PTPN6: variants seen among roughly 807,000 people sequenced by gnomAD.
The protein encoded by PTPN6 is protein tyrosine phosphatase non-receptor type 6, also known as tyrosine-protein phosphatase non-receptor type 6.
Under a neutral mutation model 81.5 loss-of-function variants are expected in PTPN6, and 18 were observed. That is an observed-to-expected ratio of 0.22 (90% CI 0.15 to 0.33). The LOEUF is 0.33. Ranked by LOEUF, PTPN6 falls within the 10% of genes least tolerant of loss-of-function variation. The probability of loss-of-function intolerance (pLI) is 1.00; values close to 1 mark genes in which losing one functional copy is unlikely to be tolerated. For synonymous variants in PTPN6, 301 were observed against 310.9 expected (o/e 0.97, Z 0.33); for missense variants, 500 against 794.2 (o/e 0.63, Z 4.45).
At position 6,955,053 on chromosome 12, in the gene PTPN6, TG is replaced by T; in HGVS notation, c.516+62del. ...GAGGCTCCTGTCTGTGACCACAGTG[TG>T]GGTGGCAGGGAGGGTCTGCCTGGGC... On this transcript the variant is annotated intron_variant, in intron 4 of 15. Coordinates refer to ENST00000318974, the MANE Select transcript of PTPN6 (RefSeq NM_002831.6). The surrounding 1 kb of genome is among the most constrained non-coding windows in gnomAD (Gnocchi z 7.2). 6.2e-7 allele frequency: 1 copy of T among 1,608,928 alleles called. No individual in the cohort carries two copies. Among genetic ancestry groups the T allele is most frequent in the Non-Finnish European group, 8.5e-7 (1 of 1,175,526 alleles).
chr12:6,954,513 C>G lies in PTPN6; in HGVS notation c.327-292C>G, dbSNP rs1203381663. 6.6e-6 allele frequency among the ~76,000 whole-genome samples: 1 copy of G among 152,222 alleles called. No homozygotes were observed. Among genetic ancestry groups the G allele is most frequent in the African/African-American group, 2.4e-5 (1 of 41,446 alleles). ...AGAGAGCTGTAACCGCGCCACTGCA[C>G]TCCAGCCTGGGCAACAGAGCTCTGG... On this transcript the variant is annotated intron_variant, in intron 3 of 15. Transcript: ENST00000318974. The surrounding 1 kb of genome is among the most constrained non-coding windows in gnomAD (Gnocchi z 5.4).
At position 6,954,761 on chromosome 12, in the gene PTPN6, C is replaced by T. The variant is rs1233929834; in HGVS notation, c.327-44C>T. The T allele has an allele frequency of 2.5e-6, 4 of 1,589,380 alleles. No individual in the cohort carries two copies. The African/African-American group carries it at 4.0e-5, about 16-fold the overall frequency. On this transcript the variant is annotated intron_variant, in intron 3 of 15. Coordinates refer to ENST00000318974, the MANE Select transcript of PTPN6 (RefSeq NM_002831.6). The surrounding 1 kb of genome is among the most constrained non-coding windows in gnomAD (Gnocchi z 5.4). ...GTGAATGTCTCTGCTCAGCGCCTTC[C>T]CCTGTGGCCTGGGTCTTACCTTCCC...
In PTPN6 at chr12:6,960,263, G is replaced by T. The variant is rs781797017; in HGVS notation, c.1581+24G>T. ...AGGTGCGTGCAGAGCAGGGCCTGGG[G>T]GGGGGGGGGGCTGCAGTGCAGGATG... is the stretch of plus-strand genomic sequence containing the variant. On this transcript the variant is annotated intron_variant, in intron 13 of 15. Coordinates refer to ENST00000318974, the MANE Select transcript of PTPN6 (RefSeq NM_002831.6). The surrounding 1 kb of genome is among the most constrained non-coding windows in gnomAD (Gnocchi z 6.1). 160 of 1,251,610 alleles carry T rather than the reference G, an allele frequency of 1.3e-4. No homozygotes were observed. The highest frequency in any genetic ancestry group is 1.9e-4 in the African/African-American group (11 of 58,784). The allele number at this position is 1,251,610 out of a possible 1,614,324, so 77.5% of individuals were successfully genotyped here.
In PTPN6 at chr12:6,951,369, C is replaced by A; in HGVS notation, c.-144C>A. Reference sequence around the variant, plus strand: ...CTGCCCCAGGCCAGTGGAGTGGCAGCCCCAGAACTGGGACCACCGGGGGTG... The same window carrying A: ...CTGCCCCAGGCCAGTGGAGTGGCAGACCCAGAACTGGGACCACCGGGGGTG... On this transcript the variant is annotated 5_prime_UTR_variant, in exon 1 of 16. Transcript: ENST00000318974. The surrounding 1 kb of genome is among the most constrained non-coding windows in gnomAD (Gnocchi z 7.2). 6.5e-7 allele frequency: 1 copy of A among 1,541,738 alleles called. No individual in the cohort carries two copies.
rs782799638 is a variant in PTPN6, at chr12:6,956,387, C to T, written c.925-32C>T. On this transcript the variant is annotated intron_variant, in intron 8 of 15. Coordinates refer to ENST00000318974, the MANE Select transcript of PTPN6 (RefSeq NM_002831.6). This position sits in a 1 kb window ranked among gnomAD's most constrained non-coding sequence, Gnocchi z 4.1. ...TGTGCTGGGCCAAGGGGCTCACTGTCTTGGGGTGCGTCTCTCCACGCTTGC... is the reference window on the plus strand; with the variant it reads ...TGTGCTGGGCCAAGGGGCTCACTGTTTTGGGGTGCGTCTCTCCACGCTTGC... 5.0e-6 allele frequency: 8 copies of T among 1,614,104 alleles called. No individual in the cohort carries two copies. In the East Asian group the frequency reaches 1.3e-4, roughly 27 times the overall value.
At chr12:6,961,090 C>A in intron 15 of PTPN6, 36 bp from the exon 16 acceptor site, 1 of 1,333,612 alleles carries the variant, frequency 7.5e-7, no homozygotes, top group Non-Finnish European at 1.0e-6. Context: ...CAGGTTCCAG[C>A]TACCCTCTCA....
At chr12:6,948,738 AG>A (rs1242340074), upstream of PTPN6, among the ~76,000 whole-genome samples, 1 of 151,934 alleles carries the variant, frequency 6.6e-6, no homozygotes, top group African/African-American at 2.4e-5. Context: ...CAGGAGTTCA[AG>A]ACCAGCCTGG....
chr12:6,957,859 G>T lies in PTPN6; in HGVS notation c.1207-60G>T. On this transcript the variant is annotated intron_variant, in intron 10 of 15. Transcript: ENST00000318974. This position sits in a 1 kb window ranked among gnomAD's most constrained non-coding sequence, Gnocchi z 6.5. ...TTGTTCTCCTCTCTGGTCGGGTAGG[G>T]TGAGATGGATGAGGTGTTCCGAGAG... 4 of 1,614,032 alleles carry T rather than the reference G, an allele frequency of 2.5e-6. No individual in the cohort carries two copies. The East Asian group carries it at 8.9e-5, about 36-fold the overall frequency.
At chr12:6,953,319 C>T (rs1591685307) in intron 3 of PTPN6, 1 of 152,070 alleles carries the variant, frequency 6.6e-6, no homozygotes, top group African/African-American at 2.4e-5. Context: ...AAGCTCATGT[C>T]CTCTCTTTCT....
chr12:6,960,973 C>A lies in PTPN6; in HGVS notation c.*25+28C>A. The A allele has an allele frequency of 6.4e-7, 1 of 1,551,280 alleles. No homozygotes were observed. Among genetic ancestry groups the A allele is most frequent in the Non-Finnish European group, 8.7e-7 (1 of 1,147,782 alleles). On this transcript the variant is annotated intron_variant, in intron 15 of 15. Coordinates refer to ENST00000318974, the MANE Select transcript of PTPN6 (RefSeq NM_002831.6). The surrounding 1 kb of genome is among the most constrained non-coding windows in gnomAD (Gnocchi z 6.1). The stretch of plus-strand genomic sequence containing the variant: ...ACAGCTCTTCTGCCTGGGTGTCCTC[C>A]CTGCCCTGCCCTGTGTCCTTGGCTC...
At position 6,956,201 on chromosome 12, in the gene PTPN6, A is replaced by G; in HGVS notation, c.904A>G (p.Ile302Val). The part of the protein sequence containing the change: ...RDSNIPGSDY[I>V]NANYIKNQLL... ...CAGTAACATCCCCGGGTCCGACTACATCAATGCCAACTACATCAAGGTCAG... is the reference window on the plus strand; with the variant it reads ...CAGTAACATCCCCGGGTCCGACTACGTCAATGCCAACTACATCAAGGTCAG... The change falls in exon 8 of 16, where the codon ATC (isoleucine) becomes GTC (valine). Residue 302 changes from isoleucine to valine, a missense_variant. This residue lies in a region of PTPN6 where 226 missense variants were observed against 364.4 expected (regional missense o/e 0.62). Coordinates refer to ENST00000318974, the MANE Select transcript of PTPN6 (RefSeq NM_002831.6). The surrounding 1 kb of genome is among the most constrained non-coding windows in gnomAD (Gnocchi z 4.1). The G allele has an allele frequency of 6.2e-7, 1 of 1,614,192 alleles. No individual in the cohort carries two copies. The highest frequency in any genetic ancestry group is 1.3e-5 in the African/African-American group (1 of 75,044).
rs1412923877 is a variant in PTPN6, at chr12:6,960,905, C to A, written c.1773C>A (p.Ser591=). ...CAGACAAGGAGAAGAGCAAGGGTTC[C>A]CTCAAGAGGAAGTGAGCGGTGCTGT... ...RSADKEKSKG[S]LKRK is the part of the protein sequence containing the mutation. Residue 591 remains serine (S), a synonymous_variant, in exon 15 of 16, where the codon TCC becomes TCA. Coordinates refer to ENST00000318974, the MANE Select transcript of PTPN6 (RefSeq NM_002831.6). This position sits in a 1 kb window ranked among gnomAD's most constrained non-coding sequence, Gnocchi z 6.1. 6.4e-7 allele frequency: 1 copy of A among 1,571,422 alleles called. No homozygotes were observed. Among genetic ancestry groups the A allele is most frequent in the African/African-American group, 1.4e-5 (1 of 74,012 alleles).
At chr12:6,951,215 G>GA, upstream of PTPN6, 1 of 1,415,930 alleles carries the variant, frequency 7.1e-7, no homozygotes, top group Non-Finnish European at 9.2e-7. The surrounding 1 kb of genome is among the most constrained non-coding windows in gnomAD (Gnocchi z 7.2). Context: ...CGTGTGGGAA[G>GA]TGGGCCCCGT....
In PTPN6 at chr12:6,954,751, C is replaced by T. The variant is rs920637107; in HGVS notation, c.327-54C>T. The T allele has an allele frequency of 1.3e-6, 2 of 1,561,676 alleles. No homozygotes were observed. Among genetic ancestry groups the T allele is most frequent in the South Asian group, 1.1e-5 (1 of 88,820 alleles). On this transcript the variant is annotated intron_variant, in intron 3 of 15. Coordinates refer to ENST00000318974, the MANE Select transcript of PTPN6 (RefSeq NM_002831.6). This position sits in a 1 kb window ranked among gnomAD's most constrained non-coding sequence, Gnocchi z 5.4. Reference sequence around the variant, plus strand: ...GCCCCTCTCTGTGAATGTCTCTGCTCAGCGCCTTCCCCTGTGGCCTGGGTC... The same window carrying T: ...GCCCCTCTCTGTGAATGTCTCTGCTTAGCGCCTTCCCCTGTGGCCTGGGTC...
Position 6,956,649 on chromosome 12 carries a change from C to A in PTPN6, c.1074+81C>A. The A allele has an allele frequency of 6.4e-7, 1 of 1,574,436 alleles. No homozygotes were observed. Among genetic ancestry groups the A allele is most frequent in the Non-Finnish European group, 8.7e-7 (1 of 1,151,150 alleles). ...GTCGAAGAGCAGTCAGATGCCAGGG[C>A]AGAAAGGGATCTCAGGGGTGAGGGT... On this transcript the variant is annotated intron_variant, in intron 9 of 15. Coordinates refer to ENST00000318974, the MANE Select transcript of PTPN6 (RefSeq NM_002831.6). This position sits in a 1 kb window ranked among gnomAD's most constrained non-coding sequence, Gnocchi z 4.1.
chr12:6,957,775 C>T lies in PTPN6; in HGVS notation c.1196C>T (p.Pro399Leu), dbSNP rs781971151. ...EYKLRTLQVS[P>L]LDNGDLIREI... ...AAACTCCGTACCTTACAGGTCTCCCCGCTGGACAATGTGAGTGGCCCCCAC... is the reference window on the plus strand; with the variant it reads ...AAACTCCGTACCTTACAGGTCTCCCTGCTGGACAATGTGAGTGGCCCCCAC... Residue 399 changes from proline to leucine, a missense_variant, in exon 10 of 16, where the codon CCG (proline) becomes CTG (leucine). Physicochemically the swap from Pro to Leu is moderately conservative, Grantham distance 98 (BLOSUM62 -3). Around this residue, in one of 6 missense-constraint regions of PTPN6, gnomAD observed 226 missense variants for 364.4 expected, o/e 0.62. Transcript: ENST00000318974. This position sits in a 1 kb window ranked among gnomAD's most constrained non-coding sequence, Gnocchi z 6.5. 2.2e-5 allele frequency: 36 copies of T among 1,614,046 alleles called. 1 individual carries two copies. The highest frequency in any genetic ancestry group is 3.1e-5 in the Non-Finnish European group (36 of 1,180,046).
rs1555148264 is a variant in PTPN6 at position 6,954,684 on chromosome 12, A to G, written c.327-121A>G. The G allele has an allele frequency of 1.0e-6, 1 of 958,656 alleles. No homozygotes were observed. The highest frequency in any genetic ancestry group is 1.6e-6 in the Non-Finnish European group (1 of 628,414). The allele number at this position is 958,656 out of a possible 1,614,324, so 59.4% of individuals were successfully genotyped here. A position where few individuals can be genotyped will look rare whatever the true frequency, so the allele number is the denominator to read the frequency against. Reference sequence around the variant, plus strand: ...TAAATGAGGTGGTGGATTTGGAAGCATGTAGCGCAGTGCCTGGCACACAGT... The same window carrying G: ...TAAATGAGGTGGTGGATTTGGAAGCGTGTAGCGCAGTGCCTGGCACACAGT... On this transcript the variant is annotated intron_variant, in intron 3 of 15. Transcript: ENST00000318974. This position sits in a 1 kb window ranked among gnomAD's most constrained non-coding sequence, Gnocchi z 5.4.
At chr12:6,953,065 T>C (rs1555148004) in intron 3 of PTPN6, 1 of 152,176 alleles carries the variant, frequency 6.6e-6, no homozygotes, top group African/African-American at 2.4e-5. Flanking sequence ...GCTTGCAGCC[T>C]CTCTGAGATT....
In PTPN6 at chr12:6,952,410, C is replaced by T. The variant is rs1490641062; in HGVS notation, c.326+233C>T. 11 of 596,176 alleles carry T rather than the reference C, an allele frequency of 1.8e-5. No individual in the cohort carries two copies. The highest frequency in any genetic ancestry group is 9.0e-4 in the Middle Eastern group (2 of 2,218). 36.9% of individuals were successfully genotyped at this position (596,176 alleles called of 1,614,324 possible). The stretch of plus-strand genomic sequence containing the variant: ...CCCCGAGGAAGCCACAGAAAGCTGC[C>T]TCGCCCTACTCCGGGAGCCCTGGCC... On this transcript the variant is annotated intron_variant, in intron 3 of 15. Transcript: ENST00000318974. This position sits in a 1 kb window ranked among gnomAD's most constrained non-coding sequence, Gnocchi z 8.1.
Sources: allele counts gnomAD v4.1 joint callset (sites outside exome capture counted in the v4.1 genomes callset), GRCh38; gene constraint gnomAD v4.1.1; regional missense constraint gnomAD v4.1.1; non-coding constraint Gnocchi (gnomAD v3.1); transcripts MANE v1.5; gene names NCBI Gene and HGNC (gene_info 2026-07-23, HGNC 2026-07-21).